The following R3HDM1 variants were observed in gnomAD, a reference collection of about 807,000 sequenced individuals.
R3HDM1 encodes the protein R3H domain-containing protein 1.
Under a neutral mutation model 141.1 loss-of-function variants are expected in R3HDM1, and 46 were observed. The ratio of observed to expected loss-of-function variants is 0.33; its 90% CI spans 0.26 to 0.42. The LOEUF (loss-of-function observed/expected upper bound fraction) is 0.42, where lower values mean the gene tolerates loss of function less well. Among genes scored for constraint, R3HDM1 ranks in the 10% least tolerant of loss-of-function variants. R3HDM1 has a pLI of 1.00. For synonymous variants in R3HDM1, 435 were observed against 472.9 expected (o/e 0.92, Z 1.04); for missense variants, 1,184 against 1,368.3 (o/e 0.87, Z 2.12).
chr2:135,569,082 A>G (rs1245172199), intron 1 of R3HDM1, among the ~76,000 whole-genome samples: 1 of 152,238 alleles, frequency 6.6e-6, no homozygotes, highest in African/African-American at 2.4e-5. Flanking sequence ...CAGTGGTTTA[A>G]TATTCTGGAA....
At chr2:135,593,540 CA>C (rs772379965) in intron 1 of R3HDM1, among the ~76,000 whole-genome samples, 25 of 152,084 alleles carry the variant, frequency 1.6e-4, no homozygotes, top group Non-Finnish European at 3.1e-4. Context: ...CTCATGAGCT[CA>C]AGAACAGCCG....
At chr2:135,605,645 T>G (rs2059982752) in intron 3 of R3HDM1, 2 of 152,202 alleles carry the variant, frequency 1.3e-5, no homozygotes, top group South Asian at 4.1e-4. Context: ...TTATCTATTT[T>G]CTCAGAATGA....
At chr2:135,543,532 G>A (rs189249782) in intron 1 of R3HDM1, among the ~76,000 whole-genome samples, 634 of 151,920 alleles carry the variant, frequency 4.2e-3, no homozygotes, top group Middle Eastern at 0.02. Flanking sequence ...TTTTAATTGG[G>A]ATTGTGTCAA....
intron 3 of R3HDM1, among the ~76,000 whole-genome samples, chr2:135,608,302 C>T (rs974383901): frequency 1.3e-5 from 2 of 151,550 alleles, no homozygotes; most frequent in Non-Finnish European, 2.9e-5. Flanking sequence ...GGTGACACAG[C>T]GAGACTCCAT....
At chr2:135,622,249 A>G (rs1052644804) in intron 6 of R3HDM1, 4 of 983,230 alleles carry the variant, frequency 4.1e-6, no homozygotes, top group Non-Finnish European at 4.8e-6. Flanking sequence ...TGCCTCCATT[A>G]TATTCATATC....
At chr2:135,718,695 T>G (rs897075469) in intron 24 of R3HDM1, among the ~76,000 whole-genome samples, 1 of 152,068 alleles carries the variant, frequency 6.6e-6, no homozygotes, top group Non-Finnish European at 1.5e-5. Context: ...TTGCCCAGGC[T>G]AGTCTCGAAC....
chr2:135,567,906 T>TC, intron 1 of R3HDM1, among the ~76,000 whole-genome samples: 5 of 146,418 alleles, frequency 3.4e-5, no homozygotes, highest in Non-Finnish European at 6.0e-5. Context: ...CACCTGGCTT[T>TC]TTTTTTTTTT....
intron 21 of R3HDM1, among the ~76,000 whole-genome samples, chr2:135,683,867 T>C (rs62168829): frequency 0.014 from 2,143 of 152,126 alleles, 28 homozygotes; most frequent in Admixed American, 0.029. Flanking sequence ...TTTCAGTATA[T>C]TTACATGAAA....
At position 135,723,923 on chromosome 2, in the gene R3HDM1, C is replaced by T. The variant is rs1199946324; in HGVS notation, c.3050-14C>T. On this transcript the variant is annotated splice_polypyrimidine_tract_variant and intron_variant, in intron 26 of 26. Transcript: ENST00000683871. ...TAACAGGAATGTATTGATTCTGTAC[C>T]TTTTCTATTCTAGTTGTTGGGAAGG... 1 of 1,589,700 alleles carries T rather than the reference C, an allele frequency of 6.3e-7. No homozygotes were observed. Among genetic ancestry groups the T allele is most frequent in the East Asian group, 2.2e-5 (1 of 44,532 alleles).
intron 6 of R3HDM1, 113 bp from the exon 7 acceptor site, chr2:135,622,541 T>G: frequency 7.4e-7 from 1 of 1,356,298 alleles, no homozygotes; most frequent in Non-Finnish European, 9.5e-7. Context: ...GTCGAATTTT[T>G]TTCAATGTGG....
intron 24 of R3HDM1, among the ~76,000 whole-genome samples, chr2:135,717,033 C>T (rs747073745): frequency 6.6e-6 from 1 of 152,158 alleles, no homozygotes; most frequent in Non-Finnish European, 1.5e-5. Context: ...AAACAAGTTA[C>T]ACAGACATTT....
intron 15 of R3HDM1, among the ~76,000 whole-genome samples, chr2:135,642,443 A>T (rs192774589): frequency 6.6e-6 from 1 of 152,326 alleles, no homozygotes; most frequent in African/African-American, 2.4e-5. Flanking sequence ...TGAAATCCTC[A>T]TTTACAGATA....
chr2:135,542,050 T>G (rs926190697), intron 1 of R3HDM1, among the ~76,000 whole-genome samples: 1 of 152,152 alleles, frequency 6.6e-6, no homozygotes, highest in African/African-American at 2.4e-5. Flanking sequence ...TACCTTATAC[T>G]CATAGCCTAA....
intron 1 of R3HDM1, among the ~76,000 whole-genome samples, chr2:135,539,735 A>G (rs1697064220): frequency 6.6e-6 from 1 of 152,232 alleles, no homozygotes; most frequent in Admixed American, 6.5e-5. Context: ...TAAAAAATGC[A>G]CATATCTTAA....
chr2:135,614,055 A>G (rs2060791003), intron 3 of R3HDM1, among the ~76,000 whole-genome samples: 1 of 152,226 alleles, frequency 6.6e-6, no homozygotes. Context: ...ACCAGGAACT[A>G]TGTCTTATTC....
intron 9 of R3HDM1, 47 bp downstream of exon 9, chr2:135,632,048 T>C (rs747456112): frequency 7.4e-7 from 1 of 1,349,582 alleles, no homozygotes; most frequent in East Asian, 2.6e-5. Context: ...TAAATAATAA[T>C]ACTTTATCTT....
At chr2:135,559,048 A>G (rs1170731117) in intron 1 of R3HDM1, 3 of 951,726 alleles carry the variant, frequency 3.2e-6, no homozygotes, top group Non-Finnish European at 3.7e-6. Context: ...ATGATTCCAC[A>G]AAGTGTGTGT....
intron 1 of R3HDM1, among the ~76,000 whole-genome samples, chr2:135,543,352 C>A (rs938776686): frequency 4.0e-5 from 6 of 150,594 alleles, no homozygotes; most frequent in Admixed American, 6.6e-5. Flanking sequence ...CAGTGCCACA[C>A]TGTTTGATTA....
Position 135,718,142 on chromosome 2 carries a change from A to C in R3HDM1, c.2881+2448A>C, listed in dbSNP as rs113119703. 3.6e-3 allele frequency among the ~76,000 whole-genome samples: 542 copies of C among 152,246 alleles called. 4 individuals carry two copies. Among genetic ancestry groups the C allele is most frequent in the African/African-American group, 0.01 (425 of 41,550 alleles). ...ATGAAATCCAGCTGCAGACAAACTA[A>C]TCTGTTATGTTAAAAATCAGATAGT... On this transcript the variant is annotated intron_variant, in intron 24 of 26. Transcript: ENST00000683871.
Sources: gnomAD v4.1 joint callset for allele counts (sites outside exome capture counted in the v4.1 genomes callset) on GRCh38, gnomAD v4.1.1 for gene constraint, MANE v1.5 for transcripts, NCBI Gene and HGNC (gene_info 2026-07-23, HGNC 2026-07-21) for gene names.